Variants in GALNT11 observed in about 807,000 individuals in gnomAD.
GALNT11 encodes polypeptide N-acetylgalactosaminyltransferase 11.
In GALNT11, 47 loss-of-function variants were observed where a neutral mutation model predicts 72.7. The ratio of observed to expected loss-of-function variants is 0.65; its 90% confidence interval spans 0.51 to 0.82. The LOEUF (loss-of-function observed/expected upper bound fraction) is 0.82. GALNT11 is among the 40% of genes least tolerant of loss of function. The pLI is 0.00. For missense variants in GALNT11, 677 were observed against 778.4 expected, an observed-to-expected ratio of 0.87 and a Z score of 1.55; for synonymous variants, 270 against 286.6, an observed-to-expected ratio of 0.94 and a Z score of 0.58.
chr7:152,083,566 T>C (rs1006809967), intron 1 of GALNT11, among the ~76,000 whole-genome samples: 1 of 152,216 alleles, frequency 6.6e-6, no homozygotes, highest in African/African-American at 2.4e-5. Flanking sequence ...GCGTGGGCCC[T>C]GCTGCGCTGT....
rs1393469368 is a variant in GALNT11 at position 152,042,252 on chromosome 7, G to A, written c.-39+16368G>A. 2.0e-5 allele frequency among the ~76,000 whole-genome samples: 3 copies of A among 152,188 alleles called. No individual in the cohort carries two copies. The East Asian group carries it at 5.8e-4, about 29-fold the overall frequency. The stretch of plus-strand genomic sequence containing the variant: ...GTATTTTAAATCTATGACTATTAAA[G>A]GCCAATTTTTTGGAATCATAGCAGG... On this transcript the variant is annotated intron_variant, in intron 1 of 11. Coordinates refer to ENST00000430044, the MANE Select transcript of GALNT11 (RefSeq NM_022087.4).
chr7:152,118,221 T>C (rs2089073135), intron 9 of GALNT11: 1 of 178,260 alleles, frequency 5.6e-6, no homozygotes, highest in African/African-American at 2.4e-5. Flanking sequence ...CGCTTACCAT[T>C]ATTATTTCTT....
At chr7:152,104,898 T>C (rs2087360773) in intron 4 of GALNT11, 1 of 157,254 alleles carries the variant, frequency 6.4e-6, no homozygotes, top group South Asian at 2.0e-4. Context: ...TCTCATTTTC[T>C]TTGTTATCAA....
chr7:152,076,061 CAAAAAAAAAAA>C (rs71198757), intron 1 of GALNT11, among the ~76,000 whole-genome samples: 1 of 71,314 alleles, frequency 1.4e-5, no homozygotes, highest in African/African-American at 6.2e-5. Flanking sequence ...GACTCCGTCT[CAAAAAAAAAAA>C]AAAAAAAAAA....
chr7:152,050,539 G>A (rs532537706), intron 1 of GALNT11, among the ~76,000 whole-genome samples: 1 of 152,182 alleles, frequency 6.6e-6, no homozygotes, highest in Non-Finnish European at 1.5e-5. Flanking sequence ...CTTTCCTCAA[G>A]TGGAAGGAAA....
At chr7:152,108,403 T>G in intron 6 of GALNT11, 116 bp downstream of exon 6, 1 of 1,455,936 alleles carries the variant, frequency 6.9e-7, no homozygotes, top group Admixed American at 2.3e-5. Context: ...AGACTTAATT[T>G]GTACGTTAAA....
chr7:152,094,647 G>A lies in GALNT11; in HGVS notation c.295+125G>A. The A allele has an allele frequency of 9.1e-7, 1 of 1,102,862 alleles. No individual in the cohort carries two copies. The highest frequency in any genetic ancestry group is 1.3e-6 in the Non-Finnish European group (1 of 795,832). 68.3% of individuals were successfully genotyped at this position (1,102,862 alleles called of 1,614,324 possible). A position where few individuals can be genotyped will look rare whatever the true frequency, so the allele number is the denominator to read the frequency against. On this transcript the variant is annotated intron_variant, in intron 2 of 11. Coordinates refer to ENST00000430044, the MANE Select transcript of GALNT11 (RefSeq NM_022087.4). The surrounding 1 kb of genome is among the most constrained non-coding windows in gnomAD (Gnocchi z 4.3). ...TTCCCCACTGATTTATTTTGTTTGT[G>A]AACTACCTGAAGTTCTGTGGTTTCT...
intron 1 of GALNT11, among the ~76,000 whole-genome samples, chr7:152,081,788 T>C (rs2085340335): frequency 6.6e-6 from 1 of 152,174 alleles, no homozygotes; most frequent in Non-Finnish European, 1.5e-5. Flanking sequence ...GTCTTTCCTC[T>C]TTTTATCCTT....
chr7:152,049,847 C>T (rs750316788), intron 1 of GALNT11, among the ~76,000 whole-genome samples: 1 of 152,244 alleles, frequency 6.6e-6, no homozygotes, highest in Non-Finnish European at 1.5e-5. Context: ...CCAGTCCTCC[C>T]TCCCTTTTTC....
intron 8 of GALNT11, 200 bp from the exon 9 acceptor site, chr7:152,116,957 A>G (rs2088923964): frequency 1.5e-6 from 1 of 685,582 alleles, no homozygotes; most frequent in Non-Finnish European, 2.7e-6. Context: ...TTTTAAGAAC[A>G]TCGATGACTG....
At chr7:152,065,193 T>A (rs1587110447) in intron 1 of GALNT11, among the ~76,000 whole-genome samples, 1 of 152,346 alleles carries the variant, frequency 6.6e-6, no homozygotes, top group East Asian at 1.9e-4. Context: ...CTTGCTTCAT[T>A]TCATTCATTT....
At chr7:152,073,984 A>G (rs1421147261) in intron 1 of GALNT11, among the ~76,000 whole-genome samples, 1 of 151,958 alleles carries the variant, frequency 6.6e-6, no homozygotes, top group East Asian at 1.9e-4. Context: ...GCCCATTTTT[A>G]AATCTGATTT....
intron 6 of GALNT11, 89 bp downstream of exon 6, chr7:152,108,376 T>A (rs1257589466): frequency 6.6e-7 from 1 of 1,508,264 alleles, no homozygotes; most frequent in Non-Finnish European, 8.9e-7. Flanking sequence ...TCCTTCTTTG[T>A]AAGGAGCAAA....
Position 152,094,005 on chromosome 7 carries a change from C to T in GALNT11, c.-38-185C>T. ...GTTCTCTGAGCATTAACCCACAGGC[C>T]TGAGGTTTTCATTGTTGAACCCTTT... On this transcript the variant is annotated intron_variant, in intron 1 of 11. Coordinates refer to ENST00000430044, the MANE Select transcript of GALNT11 (RefSeq NM_022087.4). This position sits in a 1 kb window ranked among gnomAD's most constrained non-coding sequence, Gnocchi z 4.3. The T allele has an allele frequency of 2.2e-6, 1 of 459,626 alleles. No individual in the cohort carries two copies. The highest frequency in any genetic ancestry group is 3.7e-6 in the Non-Finnish European group (1 of 267,544). The allele number at this position is 459,626 out of a possible 1,614,324, so 28.5% of individuals were successfully genotyped here.
intron 1 of GALNT11, among the ~76,000 whole-genome samples, chr7:152,089,032 C>A (rs537610622): frequency 5.9e-5 from 9 of 152,304 alleles, no homozygotes; most frequent in Non-Finnish European, 1.2e-4. Context: ...CAAGAAAGAA[C>A]TTCATTCATG....
intron 1 of GALNT11, among the ~76,000 whole-genome samples, chr7:152,027,437 T>C (rs1456972809): frequency 6.6e-6 from 1 of 152,210 alleles, no homozygotes; most frequent in African/African-American, 2.4e-5. Flanking sequence ...TGAACCCCGA[T>C]GACGCACCAA....
intron 1 of GALNT11, among the ~76,000 whole-genome samples, chr7:152,081,357 G>A (rs751741197): frequency 1.8e-4 from 28 of 152,112 alleles, no homozygotes; most frequent in Non-Finnish European, 3.5e-4. Flanking sequence ...CTCAAAGCCC[G>A]GTATTGTGCT....
chr7:152,097,622 G>T (rs1434368048), intron 2 of GALNT11, among the ~76,000 whole-genome samples: 2 of 152,162 alleles, frequency 1.3e-5, no homozygotes, highest in Non-Finnish European at 2.9e-5. Context: ...ACTGATGAAG[G>T]GATAAACTAA....
intron 1 of GALNT11, among the ~76,000 whole-genome samples, chr7:152,043,783 G>A (rs548596988): frequency 2.2e-4 from 34 of 152,208 alleles, no homozygotes; most frequent in African/African-American, 7.2e-4. Flanking sequence ...CTCCATTGCC[G>A]CTTTACCTTT....
Sources: gnomAD v4.1 joint callset for allele counts (sites outside exome capture counted in the v4.1 genomes callset) on GRCh38, gnomAD v4.1.1 for gene constraint, Gnocchi (gnomAD v3.1) non-coding constraint, MANE v1.5 for transcripts, NCBI Gene and HGNC (gene_info 2026-07-23, HGNC 2026-07-21) for gene names.